The following DPP6 variants were observed in gnomAD, a reference collection of about 807,000 sequenced individuals.
DPP6 encodes dipeptidyl peptidase like 6.
DPP6 carries 69 observed loss-of-function variants against 122.6 expected under a neutral mutation model. That is an observed-to-expected ratio of 0.56 (90% CI 0.46 to 0.69). DPP6 has a LOEUF of 0.69. Ranked by LOEUF, DPP6 falls within the 30% of genes least tolerant of loss-of-function variation. The pLI is 0.00. For synonymous variants in DPP6, 418 were observed against 433.1 expected, an observed-to-expected ratio of 0.97 and a Z score of 0.43; for missense variants, 928 against 1,116.9, an observed-to-expected ratio of 0.83 and a Z score of 2.41.
chr7:154,212,149 T>G (rs1585643561), intron 1 of DPP6, among the ~76,000 whole-genome samples: 1 of 152,244 alleles, frequency 6.6e-6, no homozygotes, highest in East Asian at 1.9e-4. Context: ...CTCCCATGCC[T>G]GCCTCTTCTC....
intron 16 of DPP6, among the ~76,000 whole-genome samples, chr7:154,823,735 T>C (rs1799951483): frequency 6.6e-6 from 1 of 152,192 alleles, no homozygotes; most frequent in South Asian, 2.1e-4. Flanking sequence ...TTGGATTATT[T>C]TGGACTCGAT....
intron 7 of DPP6, among the ~76,000 whole-genome samples, chr7:154,724,878 C>G (rs1841991909): frequency 6.6e-6 from 1 of 152,268 alleles, no homozygotes; most frequent in African/African-American, 2.4e-5. Context: ...TATGAGCATA[C>G]TTAATGCACT....
chr7:153,810,154 G>C, the DPP6 span, among the ~76,000 whole-genome samples: 6 of 152,152 alleles, frequency 3.9e-5, no homozygotes, highest in African/African-American at 1.4e-4. Context: ...CAAGTACCAT[G>C]CTTCTCATCT....
the DPP6 span, among the ~76,000 whole-genome samples, chr7:153,776,567 A>AT: frequency 6.6e-6 from 1 of 152,196 alleles, no homozygotes; most frequent in Non-Finnish European, 1.5e-5. Flanking sequence ...CTTTGTTAGC[A>AT]GCATGAGAAC....
At chr7:154,026,238 A>T (rs896396396) in intron 1 of DPP6, 5 of 152,162 alleles carry the variant, frequency 3.3e-5, no homozygotes, top group Non-Finnish European at 7.3e-5. Flanking sequence ...GGGAAAATTA[A>T]TAGAGCCCGT....
chr7:153,918,849 C>G (rs1444550887), intron 1 of DPP6, among the ~76,000 whole-genome samples: 2 of 151,640 alleles, frequency 1.3e-5, no homozygotes, highest in African/African-American at 4.8e-5. Context: ...CATGGTGGTG[C>G]ATGCCTGTAA....
chr7:154,151,333 C>G (rs1158587508), intron 1 of DPP6, among the ~76,000 whole-genome samples: 1 of 152,200 alleles, frequency 6.6e-6, no homozygotes, highest in African/African-American at 2.4e-5. Flanking sequence ...GCTTTCTGTT[C>G]CTGGACTGCC....
chr7:154,203,447 C>G (rs1799275059), intron 1 of DPP6, among the ~76,000 whole-genome samples: 1 of 152,152 alleles, frequency 6.6e-6, no homozygotes, highest in Admixed American at 6.6e-5. Flanking sequence ...CATTCTTCAG[C>G]CTCCTGACCT....
At chr7:154,842,982 G>A (rs953798073) in intron 16 of DPP6, among the ~76,000 whole-genome samples, 2 of 152,218 alleles carry the variant, frequency 1.3e-5, no homozygotes, top group Admixed American at 6.5e-5. Flanking sequence ...TAGTGAACAC[G>A]TTTTTGCTGA....
chr7:154,135,931 C>T (rs1413277217), intron 1 of DPP6, among the ~76,000 whole-genome samples: 1 of 150,772 alleles, frequency 6.6e-6, no homozygotes, highest in African/African-American at 2.5e-5. Context: ...CCCACACTTC[C>T]TCTATGCACT....
chr7:154,635,581 C>G (rs943696475), intron 5 of DPP6, among the ~76,000 whole-genome samples: 11 of 152,272 alleles, frequency 7.2e-5, no homozygotes, highest in Admixed American at 2.6e-4. Flanking sequence ...AGAAATTACC[C>G]CAAACTCAGT....
chr7:153,811,679 A>G, the DPP6 span, among the ~76,000 whole-genome samples: 6 of 152,086 alleles, frequency 3.9e-5, no homozygotes, highest in Non-Finnish European at 8.8e-5. Context: ...TCCTCATTTT[A>G]CAGACCCAGA....
chr7:154,504,428 T>G (rs1478710740), intron 3 of DPP6, among the ~76,000 whole-genome samples: 1 of 152,166 alleles, frequency 6.6e-6, no homozygotes, highest in Non-Finnish European at 1.5e-5. Context: ...ATAATAACAT[T>G]AGCGATGTGA....
intron 1 of DPP6, among the ~76,000 whole-genome samples, chr7:153,993,450 C>G (rs1420222925): frequency 6.6e-6 from 1 of 152,232 alleles, no homozygotes; most frequent in African/African-American, 2.4e-5. Flanking sequence ...AACTCTGCCT[C>G]AAAGATACTT....
At chr7:154,213,798 T>C (rs1225295317) in intron 1 of DPP6, among the ~76,000 whole-genome samples, 3 of 152,094 alleles carry the variant, frequency 2.0e-5, no homozygotes, top group Non-Finnish European at 4.4e-5. Flanking sequence ...TGCGGTCCCT[T>C]GAGACAAATG....
At chr7:154,527,497 G>A (rs1827498440) in intron 3 of DPP6, among the ~76,000 whole-genome samples, 1 of 152,046 alleles carries the variant, frequency 6.6e-6, no homozygotes, top group African/African-American at 2.4e-5. Context: ...TATGCTATTT[G>A]TTATCAGAAC....
intron 1 of DPP6, among the ~76,000 whole-genome samples, chr7:154,201,019 G>A (rs1026348895): frequency 1.3e-5 from 2 of 152,204 alleles, no homozygotes; most frequent in African/African-American, 4.8e-5. Context: ...AGAGGGCACG[G>A]TGGAACTTGT....
At chr7:153,887,617 C>A (rs563257661) in exon 1 of DPP6, 20 of 1,587,232 alleles carry the variant, frequency 1.3e-5, no homozygotes, top group African/African-American at 4.0e-5. Context: ...CTACTTTAAT[C>A]CTCACCAGGA....
intron 1 of DPP6, among the ~76,000 whole-genome samples, chr7:154,015,659 T>G (rs1035957612): frequency 3.9e-5 from 6 of 152,132 alleles, no homozygotes; most frequent in African/African-American, 1.4e-4. Context: ...TCACCTCATC[T>G]AACCATTCAG....
Sources: allele counts gnomAD v4.1 joint callset (sites outside exome capture counted in the v4.1 genomes callset), GRCh38; gene constraint gnomAD v4.1.1; transcripts MANE v1.5; gene names NCBI Gene and HGNC (gene_info 2026-07-23, HGNC 2026-07-21).